NRG4: variants seen among roughly 807,000 people sequenced by gnomAD.
NRG4 encodes pro-neuregulin-4, membrane-bound isoform.
NRG4 carries 10 observed loss-of-function variants against 15.0 expected under a neutral mutation model. That is an observed-to-expected ratio of 0.67 (90% confidence interval 0.41 to 1.13). NRG4 has a LOEUF of 1.13. Among genes scored for constraint, NRG4 ranks in the 50% most tolerant of loss-of-function variants. The pLI is 0.00. For synonymous variants in NRG4, 41 were observed against 50.1 expected (o/e 0.82, Z 0.77); for missense variants, 139 against 140.2 (o/e 0.99, Z 0.04).
intron 3 of NRG4, among the ~76,000 whole-genome samples, chr15:75,971,459 TTG>T (rs1345557128): frequency 2.6e-5 from 4 of 152,194 alleles, no homozygotes; most frequent in Non-Finnish European, 4.4e-5. Flanking sequence ...CAGAGAGATT[TTG>T]TGTTTCTGTG....
chr15:75,982,413 G>A (rs893300523), intron 3 of NRG4, among the ~76,000 whole-genome samples: 6 of 152,080 alleles, frequency 3.9e-5, no homozygotes, highest in Non-Finnish European at 7.4e-5. Flanking sequence ...AAAAGCATTC[G>A]ATAAAATTCA....
chr15:75,974,965 C>A (rs951842539), intron 3 of NRG4, among the ~76,000 whole-genome samples: 2 of 152,018 alleles, frequency 1.3e-5, no homozygotes, highest in Admixed American at 1.3e-4. Context: ...AAGTCTCCCA[C>A]TATTATTGTG....
downstream of NRG4, chr15:75,938,711 AAAC>A (rs1177517135): frequency 3.9e-5 from 6 of 152,244 alleles, no homozygotes; most frequent in African/African-American, 1.4e-4. Flanking sequence ...CTGAAAGCAG[AAAC>A]AACAAATCAA....
intron 3 of NRG4, among the ~76,000 whole-genome samples, chr15:75,990,859 T>G (rs1330320889): frequency 6.6e-6 from 1 of 151,916 alleles, no homozygotes; most frequent in Non-Finnish European, 1.5e-5. Context: ...ATTTTTCAAA[T>G]TTTGTTGTAG....
At position 75,949,689 on chromosome 15, in the gene NRG4, C is replaced by T. The variant is rs73449038; in HGVS notation, c.332-6035G>A. ...TAATTCAATGTCACAAAGACTTTCT[C>T]TTATGTTTTCTTCTAAGGTTTTTGT... On this transcript the variant is annotated intron_variant, in intron 5 of 5. Coordinates refer to ENST00000394907, the MANE Select transcript of NRG4 (RefSeq NM_138573.4). Among the ~76,000 whole-genome samples the T allele has an allele frequency of 5.1e-3, 775 of 152,218 alleles. 4 individuals are homozygous for T. Among genetic ancestry groups the T allele is most frequent in the African/African-American group, 0.018 (730 of 41,548 alleles).
At chr15:76,003,416 G>A (rs2034484539) in intron 3 of NRG4, among the ~76,000 whole-genome samples, 1 of 151,980 alleles carries the variant, frequency 6.6e-6, no homozygotes, top group African/African-American at 2.4e-5. Context: ...AAAGATTAAA[G>A]AAAGTGAACA....
intron 3 of NRG4, chr15:76,005,866 A>T: frequency 2.7e-6 from 1 of 376,812 alleles, no homozygotes. Flanking sequence ...AAGTATATCT[A>T]ACGTAAATAG....
chr15:75,957,068 A>G (rs1245058637), intron 4 of NRG4, among the ~76,000 whole-genome samples: 1 of 152,168 alleles, frequency 6.6e-6, no homozygotes, highest in Non-Finnish European at 1.5e-5. Context: ...ATTAACTTAT[A>G]TATTTATCCT....
At chr15:75,939,349 G>A (rs918019733), downstream of NRG4, 2 of 151,946 alleles carry the variant, frequency 1.3e-5, no homozygotes, top group Non-Finnish European at 2.9e-5. Flanking sequence ...AATGCAAAAC[G>A]TACTACTGCT....
chr15:75,937,508 C>CCA (rs766945625), downstream of NRG4: 1 of 83,226 alleles, frequency 1.2e-5, no homozygotes, highest in East Asian at 4.3e-4. Context: ...GACTCTGTCT[C>CCA]AAAAAAAAAA....
At chr15:76,047,022 AAAG>A (rs2035883871) in intron 4 of NRG4, among the ~76,000 whole-genome samples, 1 of 150,992 alleles carries the variant, frequency 6.6e-6, no homozygotes, top group South Asian at 2.1e-4. Context: ...ACATTTCTCA[AAAG>A]AAGACATACA....
chr15:75,937,573 G>A (rs1401746179), downstream of NRG4: 1 of 147,174 alleles, frequency 6.8e-6, no homozygotes, highest in Non-Finnish European at 1.5e-5. Context: ...TTGGAAAACA[G>A]TCAAAGGTTT....
At chr15:75,993,679 CA>C (rs2034110725) in intron 3 of NRG4, among the ~76,000 whole-genome samples, 1 of 150,314 alleles carries the variant, frequency 6.7e-6, no homozygotes, top group African/African-American at 2.5e-5. Flanking sequence ...GCCTGGGTGA[CA>C]GAGTGAGACT....
intron 3 of NRG4, among the ~76,000 whole-genome samples, chr15:75,968,970 C>T (rs1443729952): frequency 1.3e-5 from 2 of 152,024 alleles, no homozygotes; most frequent in African/African-American, 4.8e-5. Flanking sequence ...GTTAATGGGC[C>T]TTTCCATTGT....
intron 4 of NRG4, among the ~76,000 whole-genome samples, chr15:75,957,214 T>C (rs896160688): frequency 1.3e-5 from 2 of 152,182 alleles, no homozygotes; most frequent in African/African-American, 4.8e-5. Context: ...AGTAATAGCT[T>C]TCTGTTCTTT....
chr15:76,051,953 T>C (rs1033977853), intron 4 of NRG4: 1 of 151,020 alleles, frequency 6.6e-6, no homozygotes, highest in Non-Finnish European at 1.5e-5. Context: ...TTTTCCATAT[T>C]GCAGAGACTA....
At chr15:75,971,976 C>T (rs889557470) in intron 3 of NRG4, among the ~76,000 whole-genome samples, 8 of 152,158 alleles carry the variant, frequency 5.3e-5, no homozygotes, top group Admixed American at 5.2e-4. Flanking sequence ...CTAATTTATA[C>T]TCCCACAAAT....
At position 75,977,025 on chromosome 15, in the gene NRG4, GC is replaced by G. The variant is rs1464686713; in HGVS notation, c.105-15052del. Among the ~76,000 whole-genome samples, 1 of 152,194 alleles carries G rather than the reference GC, an allele frequency of 6.6e-6. No individual in the cohort carries two copies. The highest frequency in any genetic ancestry group is 2.4e-5 in the African/African-American group (1 of 41,460). On this transcript the variant is annotated intron_variant, in intron 3 of 5. Coordinates refer to ENST00000394907, the MANE Select transcript of NRG4 (RefSeq NM_138573.4). The surrounding 1 kb of genome is among the most constrained non-coding windows in gnomAD (Gnocchi z 4.9). ...GCTGCCTTTCTTTCAGAGATGCCCT[GC>G]CCAGAGAGGAGGAATCTAGAGAGGC...
intron 5 of NRG4, among the ~76,000 whole-genome samples, chr15:76,025,458 T>C (rs116964141): frequency 6.6e-6 from 1 of 151,398 alleles, no homozygotes; most frequent in Non-Finnish European, 1.5e-5. Flanking sequence ...AGAATATAGA[T>C]AGACAACACA....
Sources: allele counts gnomAD v4.1 joint callset (sites outside exome capture counted in the v4.1 genomes callset), GRCh38; gene constraint gnomAD v4.1.1; non-coding constraint Gnocchi (gnomAD v3.1); transcripts MANE v1.5; gene names NCBI Gene and HGNC (gene_info 2026-07-23, HGNC 2026-07-21).